Variants in NUBPL observed in about 807,000 individuals in gnomAD.
NUBPL encodes the protein iron-sulfur cluster transfer protein NUBPL.
Under a neutral mutation model 45.7 loss-of-function variants are expected in NUBPL, and 31 were observed. The observed-to-expected ratio is 0.68, with a 90% confidence interval of 0.51 to 0.92. The LOEUF (loss-of-function observed/expected upper bound fraction) is 0.92, where lower values mean the gene tolerates loss of function less well. NUBPL is among the 40% of genes least tolerant of loss of function. NUBPL has a pLI of 0.00. For synonymous variants in NUBPL, 144 were observed against 140.9 expected (o/e 1.02, Z -0.15); for missense variants, 401 against 398.7 (o/e 1.01, Z -0.05).
intron 6 of NUBPL, among the ~76,000 whole-genome samples, chr14:31,688,836 C>A (rs2139855580): frequency 6.6e-6 from 1 of 151,990 alleles, no homozygotes; most frequent in African/African-American, 2.4e-5. Context: ...CTCAAGTAGG[C>A]CCCAGTGTCT....
chr14:31,613,937 G>T (rs1017594365), intron 4 of NUBPL, among the ~76,000 whole-genome samples: 2 of 150,026 alleles, frequency 1.3e-5, no homozygotes, highest in Admixed American at 6.6e-5. Context: ...TTCAATAAGA[G>T]ATATATATAT....
chr14:31,790,781 G>A (rs2138829166), intron 7 of NUBPL, among the ~76,000 whole-genome samples: 1 of 152,230 alleles, frequency 6.6e-6, no homozygotes, highest in South Asian at 2.1e-4. Context: ...AAGCTGGGAG[G>A]TGGAGCTTGC....
At chr14:31,753,563 G>A (rs1006165654) in intron 6 of NUBPL, among the ~76,000 whole-genome samples, 2 of 152,154 alleles carry the variant, frequency 1.3e-5, no homozygotes, top group Admixed American at 1.3e-4. Flanking sequence ...CATGGATGTG[G>A]CAATGCAGGG....
At chr14:31,639,455 G>A (rs1031720411) in intron 4 of NUBPL, among the ~76,000 whole-genome samples, 11 of 152,192 alleles carry the variant, frequency 7.2e-5, no homozygotes, top group African/African-American at 2.7e-4. Flanking sequence ...TTGTGTCAGA[G>A]GAGTACCCGG....
Position 31,761,493 on chromosome 14 carries a change from C to A in NUBPL, c.514-26287C>A, listed in dbSNP as rs1566547844. Among the ~76,000 whole-genome samples the A allele has an allele frequency of 2.6e-5, 4 of 152,316 alleles. No individual in the cohort carries two copies. The South Asian group carries it at 8.3e-4, about 32-fold the overall frequency. ...TCCCACCCCTGGCCTTGCCCACTCT[C>A]ACCATTTGGAGTAATAACTCATAAT... On this transcript the variant is annotated intron_variant, in intron 6 of 10. Transcript: ENST00000281081.
At chr14:31,720,935 G>C (rs1052393850) in intron 6 of NUBPL, among the ~76,000 whole-genome samples, 1 of 152,142 alleles carries the variant, frequency 6.6e-6, no homozygotes, top group Non-Finnish European at 1.5e-5. Flanking sequence ...CATTTAAAGA[G>C]CCCTTGAATT....
At chr14:31,608,871 T>C (rs2034675958) in intron 4 of NUBPL, among the ~76,000 whole-genome samples, 1 of 152,136 alleles carries the variant, frequency 6.6e-6, no homozygotes, top group Admixed American at 6.5e-5. Flanking sequence ...TGGGGACCCC[T>C]GGGTTATCAG....
At chr14:31,804,634 A>G (rs2039650691) in intron 7 of NUBPL, among the ~76,000 whole-genome samples, 2 of 152,206 alleles carry the variant, frequency 1.3e-5, no homozygotes, top group South Asian at 2.1e-4. Flanking sequence ...AAGGCCGCAC[A>G]TCTATGACCA....
intron 6 of NUBPL, among the ~76,000 whole-genome samples, chr14:31,687,315 ACAT>A (rs2036976414): frequency 6.6e-6 from 1 of 152,214 alleles, no homozygotes; most frequent in Admixed American, 6.5e-5. Context: ...AATTAATAAA[ACAT>A]CACATATGTC....
chr14:31,624,711 C>A (rs1175191322), intron 4 of NUBPL, among the ~76,000 whole-genome samples: 1 of 152,084 alleles, frequency 6.6e-6, no homozygotes, highest in African/African-American at 2.4e-5. Context: ...ATTACAGGCG[C>A]CTGCCACCAT....
At chr14:31,582,357 G>A (rs561440076) in intron 3 of NUBPL, among the ~76,000 whole-genome samples, 26 of 150,796 alleles carry the variant, frequency 1.7e-4, no homozygotes, top group African/African-American at 6.1e-4. Context: ...CCTATCCAGG[G>A]GAAGGATGTT....
At chr14:31,781,612 T>A (rs1402079705) in intron 6 of NUBPL, among the ~76,000 whole-genome samples, 1 of 152,226 alleles carries the variant, frequency 6.6e-6, no homozygotes, top group Non-Finnish European at 1.5e-5. Context: ...AGCAAATTGA[T>A]GTCTTAAGAC....
rs1175129073 is a variant in NUBPL, at chr14:31,700,351, CTAGT to C, written c.513+26780_513+26783del. Among the ~76,000 whole-genome samples, 33 of 152,144 alleles carry C rather than the reference CTAGT, an allele frequency of 2.2e-4. No homozygotes were observed. In the East Asian group the frequency reaches 6.4e-3, roughly 30 times the overall value. On this transcript the variant is annotated intron_variant, in intron 6 of 10. Coordinates refer to ENST00000281081, the MANE Select transcript of NUBPL (RefSeq NM_025152.3). Reference sequence around the variant, plus strand: ...AGATGGCCATTAGTAGTTCAGTAGACTAGTTACTCTTCAGTAGTAGTGAGAGGTG... The same window carrying C: ...AGATGGCCATTAGTAGTTCAGTAGACTACTCTTCAGTAGTAGTGAGAGGTG...
chr14:31,831,106 T>G (rs2040182734), intron 8 of NUBPL, among the ~76,000 whole-genome samples: 1 of 151,334 alleles, frequency 6.6e-6, no homozygotes, highest in African/African-American at 2.4e-5. Context: ...TGCAGTGGTG[T>G]GATCTCGGCT....
chr14:31,727,939 A>T (rs2037962436), intron 6 of NUBPL, among the ~76,000 whole-genome samples: 1 of 152,166 alleles, frequency 6.6e-6, no homozygotes, highest in African/African-American at 2.4e-5. Flanking sequence ...ATATATTATG[A>T]TGTAGTCATT....
At chr14:31,827,573 A>G (rs1191144049) in intron 8 of NUBPL, among the ~76,000 whole-genome samples, 1 of 152,146 alleles carries the variant, frequency 6.6e-6, no homozygotes, top group Non-Finnish European at 1.5e-5. Flanking sequence ...CAGTGTCAAC[A>G]TGATGCTTCT....
chr14:31,664,941 T>C (rs2036368960), intron 4 of NUBPL, among the ~76,000 whole-genome samples: 1 of 151,198 alleles, frequency 6.6e-6, no homozygotes, highest in Non-Finnish European at 1.5e-5. Context: ...CAGGTATTAG[T>C]TTAGTCTTGG....
intron 3 of NUBPL, among the ~76,000 whole-genome samples, chr14:31,575,807 T>C (rs543203948): frequency 6.6e-6 from 1 of 152,220 alleles, no homozygotes. Flanking sequence ...TTAGCCATTT[T>C]GGAGGAAAGG....
intron 6 of NUBPL, among the ~76,000 whole-genome samples, chr14:31,693,852 C>T (rs369148498): frequency 3.2e-4 from 21 of 66,536 alleles, no homozygotes; most frequent in East Asian, 6.4e-4. Context: ...ATTTTCTTTT[C>T]TTTTCTTTTT....
Sources: allele counts gnomAD v4.1 joint callset (sites outside exome capture counted in the v4.1 genomes callset), GRCh38; gene constraint gnomAD v4.1.1; transcripts MANE v1.5; gene names NCBI Gene and HGNC (gene_info 2026-07-23, HGNC 2026-07-21).